Variants in UBR1 observed in about 807,000 individuals in gnomAD.
The protein encoded by UBR1 is ubiquitin protein ligase E3 component n-recognin 1.
A neutral mutation model predicts 242.1 loss-of-function variants in UBR1; 102 were observed. The ratio of observed to expected loss-of-function variants is 0.42; its 90% CI spans 0.36 to 0.50. The LOEUF (loss-of-function observed/expected upper bound fraction) is 0.50, where lower values mean the gene tolerates loss of function less well. Among genes scored for constraint, UBR1 ranks in the 20% least tolerant of loss-of-function variants. UBR1 has a pLI of 0.01. For synonymous variants in UBR1, 675 were observed against 684.8 expected, an observed-to-expected ratio of 0.99 and a Z score of 0.22; for missense variants, 1,772 against 2,101.8, an observed-to-expected ratio of 0.84 and a Z score of 3.07.
intron 18 of UBR1, 23 bp downstream of exon 18, chr15:43,036,505 T>A (rs754337417): frequency 5.2e-6 from 8 of 1,529,666 alleles, no homozygotes; most frequent in Non-Finnish European, 7.2e-6. Context: ...GACACAAATA[T>A]CAGAAACAAT....
Position 43,093,711 on chromosome 15 carries a change from A to G in UBR1, c.82-7471T>C, listed in dbSNP as rs184938537. Reference sequence around the variant, plus strand: ...CTGAGTGGGAGGATCACCTGAGCCCAGGAGGTTGAGGCTGCAGCAAGCCCT... The same window carrying G: ...CTGAGTGGGAGGATCACCTGAGCCCGGGAGGTTGAGGCTGCAGCAAGCCCT... On this transcript the variant is annotated intron_variant, in intron 1 of 46. Coordinates refer to ENST00000290650, the MANE Select transcript of UBR1 (RefSeq NM_174916.3). 7.3e-3 allele frequency among the ~76,000 whole-genome samples: 1,090 copies of G among 148,614 alleles called. 10 individuals are homozygous for G. The highest frequency in any genetic ancestry group is 0.011 in the Admixed American group (158 of 14,754).
chr15:43,091,845 T>C (rs774763932), intron 1 of UBR1: 1 of 296,714 alleles, frequency 3.4e-6, no homozygotes, highest in Non-Finnish European at 6.2e-6. Context: ...GGCAGGAGAA[T>C]CACTTGAACC....
intron 33 of UBR1, among the ~76,000 whole-genome samples, chr15:42,995,990 C>T (rs916090677): frequency 1.3e-5 from 2 of 152,308 alleles, no homozygotes; most frequent in South Asian, 2.1e-4. Flanking sequence ...CTAAGGTAGG[C>T]CAGGCTTTTT....
chr15:42,950,433 T>A, intron 45 of UBR1, 70 bp from the exon 46 acceptor site: 2 of 1,368,868 alleles, frequency 1.5e-6, no homozygotes, highest in South Asian at 2.3e-5. Context: ...GCATCAATGT[T>A]AACCTAGAGA....
At chr15:43,079,674 CAGGAGGCTG>C (rs2033952481) in intron 3 of UBR1, among the ~76,000 whole-genome samples, 1 of 152,060 alleles carries the variant, frequency 6.6e-6, no homozygotes, top group Non-Finnish European at 1.5e-5. Context: ...CCCAGCTACT[CAGGAGGCTG>C]AGGCAGGAGA....
At chr15:43,077,900 T>C (rs960341478) in intron 3 of UBR1, among the ~76,000 whole-genome samples, 1 of 151,928 alleles carries the variant, frequency 6.6e-6, no homozygotes, top group Non-Finnish European at 1.5e-5. Flanking sequence ...CTCCAAAACA[T>C]AAAAAGAATA....
At chr15:43,088,690 T>TAAGG (rs1448639801) in intron 1 of UBR1, among the ~76,000 whole-genome samples, 3 of 151,990 alleles carry the variant, frequency 2.0e-5, no homozygotes, top group Non-Finnish European at 1.5e-5. Context: ...AAACATAGAC[T>TAAGG]AAGGGTCTGG....
At chr15:43,033,157 A>G (rs2033279587) in intron 19 of UBR1, among the ~76,000 whole-genome samples, 1 of 152,146 alleles carries the variant, frequency 6.6e-6, no homozygotes, top group Non-Finnish European at 1.5e-5. Flanking sequence ...GGCCAGGTGC[A>G]GTGGCATGCG....
At chr15:43,020,451 A>G (rs1193194314) in intron 27 of UBR1, among the ~76,000 whole-genome samples, 3 of 152,192 alleles carry the variant, frequency 2.0e-5, no homozygotes, top group Non-Finnish European at 4.4e-5. Context: ...GATTCTTACT[A>G]TCTGCATCTT....
At chr15:43,025,095 A>C in intron 24 of UBR1, 112 bp from the exon 25 acceptor site, 2 of 1,361,744 alleles carry the variant, frequency 1.5e-6, no homozygotes, top group African/African-American at 2.9e-5. Flanking sequence ...CATGCAAAAC[A>C]ACACATGCTT....
intron 21 of UBR1, among the ~76,000 whole-genome samples, 190 bp downstream of exon 21, chr15:43,029,754 A>C (rs2033229817): frequency 6.6e-6 from 1 of 152,234 alleles, no homozygotes. Context: ...TTTTAAAGTA[A>C]ACAAAAAGTA....
chr15:43,100,799 A>G (rs527656427), intron 1 of UBR1, among the ~76,000 whole-genome samples: 4 of 152,062 alleles, frequency 2.6e-5, no homozygotes, highest in Non-Finnish European at 1.5e-5. Flanking sequence ...CGCACCACGC[A>G]CTCCAGCCTG....
At chr15:42,980,727 G>A (rs1391537611) in intron 37 of UBR1, among the ~76,000 whole-genome samples, 36 of 152,010 alleles carry the variant, frequency 2.4e-4, no homozygotes, top group Non-Finnish European at 2.5e-4. Context: ...TCCCAACTCA[G>A]CCTCCCGAGT....
chr15:43,051,520 A>G (rs548610024), intron 12 of UBR1, among the ~76,000 whole-genome samples: 1 of 152,284 alleles, frequency 6.6e-6, no homozygotes, highest in South Asian at 2.1e-4. Context: ...ACAAACCCCC[A>G]TGACACAAGT....
chr15:43,095,964 T>C (rs1446312420), intron 1 of UBR1, among the ~76,000 whole-genome samples: 1 of 152,222 alleles, frequency 6.6e-6, no homozygotes, highest in Non-Finnish European at 1.5e-5. Flanking sequence ...ATGAAAGTTA[T>C]GTTTACACTA....
chr15:43,087,502 G>A (rs928568580), intron 1 of UBR1, among the ~76,000 whole-genome samples: 4 of 152,078 alleles, frequency 2.6e-5, no homozygotes, highest in African/African-American at 7.2e-5. Flanking sequence ...TACATATAAG[G>A]CTTTTTTAGT....
At chr15:42,994,434 T>A (rs1236870530) in intron 33 of UBR1, among the ~76,000 whole-genome samples, 1 of 151,148 alleles carries the variant, frequency 6.6e-6, no homozygotes, top group Non-Finnish European at 1.5e-5. Flanking sequence ...AAAAATATAT[T>A]CTCCAATAGG....
chr15:43,022,775 T>A lies in UBR1; in HGVS notation c.2766A>T (p.Leu922Phe). ...QMAFHILALG[L>F]LEEKQQLQKA... ...TTTGAAGCTGTTGCTTCTCTTCTAG[T>A]AAACCCAATGCCAGAATATGAAAAG... is the stretch of plus-strand genomic sequence containing the variant. The change falls in exon 26 of 47, where the codon TTA becomes TTT. Residue 922 changes from leucine to phenylalanine, a missense_variant. Physicochemically the swap from Leu to Phe is conservative, Grantham distance 22. This residue lies in a region of UBR1 where 965 missense variants were observed against 1,079.7 expected (regional missense o/e 0.89). Coordinates refer to ENST00000290650, the MANE Select transcript of UBR1 (RefSeq NM_174916.3). The A allele has an allele frequency of 6.2e-7, 1 of 1,612,334 alleles. No homozygotes were observed. Among genetic ancestry groups the A allele is most frequent in the African/African-American group, 1.3e-5 (1 of 75,034 alleles).
intron 46 of UBR1, 36 bp from the exon 47 acceptor site, chr15:42,945,506 G>C: frequency 6.2e-7 from 1 of 1,611,448 alleles, no homozygotes; most frequent in Non-Finnish European, 8.5e-7. Context: ...ATGTAAGTTT[G>C]AATCTAGTAA....
Sources: allele counts gnomAD v4.1 joint callset (sites outside exome capture counted in the v4.1 genomes callset), GRCh38; gene constraint gnomAD v4.1.1; regional missense constraint gnomAD v4.1.1; transcripts MANE v1.5; gene names NCBI Gene and HGNC (gene_info 2026-07-23, HGNC 2026-07-21).